The following DOCK3 variants were observed in gnomAD, a reference collection of about 807,000 sequenced individuals.
The protein encoded by DOCK3 is dedicator of cytokinesis 3.
In DOCK3, 60 loss-of-function variants were observed where a neutral mutation model predicts 265.6. The ratio of observed to expected loss-of-function variants is 0.23; its 90% CI spans 0.18 to 0.28. The LOEUF is 0.28. Among genes scored for constraint, DOCK3 ranks in the 10% least tolerant of loss-of-function variants. The pLI, the probability that DOCK3 is intolerant of heterozygous loss-of-function variation, is 1.00. For synonymous variants in DOCK3, 881 were observed against 938.0 expected (o/e 0.94, Z 1.11); for missense variants, 1,981 against 2,594.3 (o/e 0.76, Z 5.14).
intron 1 of DOCK3, among the ~76,000 whole-genome samples, chr3:50,701,497 GATAA>G (rs1234761334): frequency 1.3e-5 from 2 of 152,064 alleles, no homozygotes; most frequent in South Asian, 2.1e-4. Flanking sequence ...TCACTTATCA[GATAA>G]ATAGTTTGCA....
At chr3:51,274,739 C>T (rs1183158394) in intron 24 of DOCK3, among the ~76,000 whole-genome samples, 3 of 152,104 alleles carry the variant, frequency 2.0e-5, no homozygotes, top group Admixed American at 6.5e-5. Context: ...CATGATTATG[C>T]CCCTGCATTC....
At chr3:51,259,601 G>A (rs994995904) in intron 22 of DOCK3, among the ~76,000 whole-genome samples, 6 of 152,178 alleles carry the variant, frequency 3.9e-5, no homozygotes, top group African/African-American at 1.4e-4. Flanking sequence ...GGATGTATCA[G>A]GCCTATCAGC....
chr3:51,197,903 C>T (rs1438125677), intron 12 of DOCK3, among the ~76,000 whole-genome samples: 1 of 152,220 alleles, frequency 6.6e-6, no homozygotes, highest in Non-Finnish European at 1.5e-5. Context: ...AGGAGCCCCA[C>T]CCAACTGGTG....
intron 1 of DOCK3, among the ~76,000 whole-genome samples, chr3:50,742,311 A>G (rs1228884094): frequency 6.6e-6 from 1 of 152,224 alleles, no homozygotes; most frequent in Non-Finnish European, 1.5e-5. Flanking sequence ...AAAGGAACGC[A>G]GCTCCTCACC....
intron 49 of DOCK3, among the ~76,000 whole-genome samples, chr3:51,363,846 A>G (rs1272059833): frequency 6.6e-6 from 1 of 152,224 alleles, no homozygotes; most frequent in Non-Finnish European, 1.5e-5. Context: ...ATAGTATTCC[A>G]TGGTGTATAT....
intron 12 of DOCK3, among the ~76,000 whole-genome samples, chr3:51,185,394 G>A (rs1436170248): frequency 6.6e-6 from 1 of 152,164 alleles, no homozygotes; most frequent in Non-Finnish European, 1.5e-5. Flanking sequence ...CATTCTTTCT[G>A]TACTAAGGAG....
intron 5 of DOCK3, among the ~76,000 whole-genome samples, chr3:51,016,574 T>TATA (rs1415994269): frequency 1.1e-5 from 1 of 91,566 alleles, no homozygotes; most frequent in South Asian, 2.9e-4. Context: ...TATATATATA[T>TATA]TTATATATAT....
At chr3:51,148,009 C>T (rs1576238308) in intron 10 of DOCK3, among the ~76,000 whole-genome samples, 1 of 152,300 alleles carries the variant, frequency 6.6e-6, no homozygotes, top group African/African-American at 2.4e-5. Context: ...CCTGTTGCTT[C>T]CTGACTTTTT....
At chr3:51,066,548 CA>C (rs1405402607) in intron 6 of DOCK3, among the ~76,000 whole-genome samples, 1 of 152,110 alleles carries the variant, frequency 6.6e-6, no homozygotes, top group Non-Finnish European at 1.5e-5. Context: ...TTTTATTTTA[CA>C]AATCCCAACC....
rs147129026 is a variant in DOCK3, at chr3:51,160,778, C to T, written c.1037+76C>T. 323 of 1,516,342 alleles carry T rather than the reference C, an allele frequency of 2.1e-4. No homozygotes were observed. In the African/African-American group the frequency reaches 3.5e-3, roughly 16 times the overall value. 93.9% of individuals were successfully genotyped at this position (1,516,342 alleles called of 1,614,324 possible). ...AGCACTGCCCTTGAGAGTAGTAGTGCTCAAACCTTGTGGACACAGGCCACG... is the reference window on the plus strand; with the variant it reads ...AGCACTGCCCTTGAGAGTAGTAGTGTTCAAACCTTGTGGACACAGGCCACG... On this transcript the variant is annotated intron_variant, in intron 12 of 52. Coordinates refer to ENST00000266037, the MANE Select transcript of DOCK3 (RefSeq NM_004947.5).
chr3:51,231,121 C>CTTTTTTTTTT (rs754271357), intron 19 of DOCK3, among the ~76,000 whole-genome samples: 9 of 77,746 alleles, frequency 1.2e-4, no homozygotes, highest in Admixed American at 2.1e-4. Context: ...TATTTTTTGA[C>CTTTTTTTTTT]TTTTTTTTTT....
intron 9 of DOCK3, among the ~76,000 whole-genome samples, chr3:51,146,220 A>C (rs2085294652): frequency 2.0e-5 from 3 of 152,216 alleles, no homozygotes; most frequent in Admixed American, 2.0e-4. Flanking sequence ...TGGATTTCGC[A>C]TCATGCTGTT....
intron 1 of DOCK3, among the ~76,000 whole-genome samples, chr3:50,688,181 G>A (rs2034967385): frequency 6.6e-6 from 1 of 152,204 alleles, no homozygotes; most frequent in Non-Finnish European, 1.5e-5. Context: ...TAGCGATGTG[G>A]TTAGCCACTA....
chr3:51,137,127 A>G (rs887701964), intron 9 of DOCK3, among the ~76,000 whole-genome samples: 1 of 151,980 alleles, frequency 6.6e-6, no homozygotes, highest in Non-Finnish European at 1.5e-5. Context: ...TTTTGTGTGT[A>G]TTTCTGCTTT....
At chr3:50,835,789 T>A (rs1470030384) in intron 2 of DOCK3, among the ~76,000 whole-genome samples, 1 of 152,166 alleles carries the variant, frequency 6.6e-6, no homozygotes, top group African/African-American at 2.4e-5. Flanking sequence ...AACAAGACAG[T>A]GCAATGATTT....
intron 27 of DOCK3, among the ~76,000 whole-genome samples, chr3:51,286,047 A>T (rs1429301256): frequency 6.6e-6 from 1 of 152,210 alleles, no homozygotes; most frequent in Non-Finnish European, 1.5e-5. Context: ...TACAGATGTT[A>T]TAATTCTATA....
In DOCK3 at chr3:51,228,711, C is replaced by T. The variant is rs750711290; in HGVS notation, c.1698C>T (p.Pro566=). 6.2e-7 allele frequency: 1 copy of T among 1,613,870 alleles called. No individual in the cohort carries two copies. The highest frequency in any genetic ancestry group is 1.7e-5 in the Admixed American group (1 of 60,010). The change falls in exon 18 of 53, where the codon CCC becomes CCT. Residue 566 remains proline, a synonymous_variant. Transcript: ENST00000266037. ...ACCATGCTCTGTACCTGGGCCTGCC[C>T]TGCTGCAAAGAGGACTACAATGGCT... is the stretch of plus-strand genomic sequence containing the variant. ...FNNHALYLGL[P]CCKEDYNGCP... is the part of the protein sequence containing the mutation.
intron 5 of DOCK3, among the ~76,000 whole-genome samples, chr3:50,942,182 A>C (rs966252313): frequency 3.3e-5 from 5 of 152,024 alleles, no homozygotes; most frequent in Non-Finnish European, 5.9e-5. Flanking sequence ...CCAGAGGTTT[A>C]AAAAGGAATG....
At chr3:50,698,490 A>G (rs2035784512) in intron 1 of DOCK3, among the ~76,000 whole-genome samples, 1 of 59,034 alleles carries the variant, frequency 1.7e-5, no homozygotes, top group Non-Finnish European at 4.1e-5. Context: ...ATTCATGTAC[A>G]AGTTTCTCTG....
Sources: gnomAD v4.1 joint callset for allele counts (sites outside exome capture counted in the v4.1 genomes callset) on GRCh38, gnomAD v4.1.1 for gene constraint, MANE v1.5 for transcripts, NCBI Gene and HGNC (gene_info 2026-07-23, HGNC 2026-07-21) for gene names.